The following NLK variants were observed in gnomAD, a reference collection of about 807,000 sequenced individuals.
NLK encodes nemo like kinase.
NLK carries 11 observed loss-of-function variants against 59.0 expected under a neutral mutation model. The observed-to-expected ratio is 0.19, with a 90% CI of 0.12 to 0.31. The LOEUF (loss-of-function observed/expected upper bound fraction) is 0.31. Ranked by LOEUF, NLK falls within the 10% of genes least tolerant of loss-of-function variation. NLK has a pLI of 1.00. For missense variants in NLK, 410 were observed against 661.1 expected (o/e 0.62, Z 4.16); for synonymous variants, 235 against 235.9 (o/e 1.00, Z 0.03).
intron 1 of NLK, chr17:28,048,686 C>T (rs1218749858): frequency 6.6e-6 from 1 of 152,182 alleles, no homozygotes; most frequent in Non-Finnish European, 1.5e-5. Context: ...GTTTCATTGT[C>T]TTCACAACTT....
At chr17:28,109,119 C>G (rs1159677801) in intron 1 of NLK, among the ~76,000 whole-genome samples, 1 of 150,746 alleles carries the variant, frequency 6.6e-6, no homozygotes, top group African/African-American at 2.4e-5. Flanking sequence ...TGCAGTGAGC[C>G]AAGATCGCAC....
At chr17:28,158,916 A>G (rs2142045727) in intron 3 of NLK, among the ~76,000 whole-genome samples, 1 of 152,320 alleles carries the variant, frequency 6.6e-6, no homozygotes, top group South Asian at 2.1e-4. Context: ...AGGCAATACA[A>G]TAGGAATTTT....
At chr17:28,133,913 T>C (rs1906624838) in intron 3 of NLK, among the ~76,000 whole-genome samples, 1 of 152,056 alleles carries the variant, frequency 6.6e-6, no homozygotes, top group South Asian at 2.1e-4. Flanking sequence ...AATTAAGAGC[T>C]TCCCAAGAGA....
At chr17:28,093,251 A>C (rs571982436) in intron 1 of NLK, among the ~76,000 whole-genome samples, 5 of 152,294 alleles carry the variant, frequency 3.3e-5, no homozygotes, top group East Asian at 1.9e-4. Context: ...TCATGACCAG[A>C]TGCTGGAAAA....
intron 1 of NLK, among the ~76,000 whole-genome samples, chr17:28,092,349 A>C (rs774576526): frequency 4.6e-5 from 7 of 152,216 alleles, no homozygotes; most frequent in Non-Finnish European, 1.0e-4. Flanking sequence ...ATTGAAATGT[A>C]ACAGCAGTTT....
intron 1 of NLK, chr17:28,048,777 T>C (rs1909148356): frequency 6.6e-6 from 1 of 152,242 alleles, no homozygotes; most frequent in African/African-American, 2.4e-5. Context: ...TTTATTGATG[T>C]CCAAGCAATA....
chr17:28,115,198 C>T (rs1905709080), intron 1 of NLK, among the ~76,000 whole-genome samples: 1 of 151,880 alleles, frequency 6.6e-6, no homozygotes, highest in South Asian at 2.1e-4. Context: ...AAACAAGAAA[C>T]AGACAGGAAG....
At chr17:28,111,930 TG>T (rs1291329438) in intron 1 of NLK, among the ~76,000 whole-genome samples, 1 of 148,998 alleles carries the variant, frequency 6.7e-6, no homozygotes, top group African/African-American at 2.5e-5. Flanking sequence ...TGTGTGTGTG[TG>T]TGTGTGTGTG....
At chr17:28,139,738 A>C (rs1035960834) in intron 3 of NLK, among the ~76,000 whole-genome samples, 1 of 152,234 alleles carries the variant, frequency 6.6e-6, no homozygotes, top group African/African-American at 2.4e-5. Flanking sequence ...TAACTTGTCC[A>C]ACGTCACTTA....
chr17:28,071,353 A>G lies in NLK; in HGVS notation c.458+28022A>G, dbSNP rs115622100. 6.3e-3 allele frequency among the ~76,000 whole-genome samples: 957 copies of G among 152,182 alleles called. 7 individuals carry two copies. The highest frequency in any genetic ancestry group is 0.023 in the African/African-American group (935 of 41,524). On this transcript the variant is annotated intron_variant, in intron 1 of 10. Transcript: ENST00000407008. ...AATCTGTTGGGATATTTATTGGAAG[A>G]TGTCAACTCTGTAGATCAAATAGAA... is the stretch of plus-strand genomic sequence containing the variant.
At chr17:28,097,870 G>C (rs997391515) in intron 1 of NLK, among the ~76,000 whole-genome samples, 1 of 152,120 alleles carries the variant, frequency 6.6e-6, no homozygotes, top group African/African-American at 2.4e-5. Context: ...TTACGTTACA[G>C]TGTGGGTTTA....
chr17:28,145,771 T>A (rs1038401743), intron 3 of NLK, among the ~76,000 whole-genome samples: 2 of 152,092 alleles, frequency 1.3e-5, no homozygotes, highest in Non-Finnish European at 2.9e-5. Context: ...AGTGGCATGA[T>A]CTCAGCTCAC....
intron 7 of NLK, 125 bp from the exon 8 acceptor site, chr17:28,185,054 T>C: frequency 2.4e-6 from 1 of 413,662 alleles, no homozygotes; most frequent in Non-Finnish European, 4.2e-6. Flanking sequence ...GAAAACTCAT[T>C]CTCCTTGAGT....
intron 8 of NLK, among the ~76,000 whole-genome samples, chr17:28,189,718 G>A (rs987322489): frequency 3.3e-5 from 5 of 152,108 alleles, no homozygotes; most frequent in African/African-American, 1.2e-4. Flanking sequence ...TCTAGGAATC[G>A]CTATCAAAGG....
At chr17:28,174,909 C>T (rs1353533886) in intron 7 of NLK, among the ~76,000 whole-genome samples, 1 of 151,794 alleles carries the variant, frequency 6.6e-6, no homozygotes, top group Non-Finnish European at 1.5e-5. Context: ...AAGGTATTGC[C>T]ATTCATGTTA....
chr17:28,153,099 C>T (rs2142040690), intron 3 of NLK, among the ~76,000 whole-genome samples: 1 of 151,850 alleles, frequency 6.6e-6, no homozygotes, highest in African/African-American at 2.4e-5. Context: ...CATGGAGAAA[C>T]CCTATCTCTA....
rs548295566 is a variant in NLK, at chr17:28,108,437, G to A, written c.459-14166G>A. Among the ~76,000 whole-genome samples, 98 of 152,172 alleles carry A rather than the reference G, an allele frequency of 6.4e-4. 1 individual carries two copies. In the South Asian group the frequency reaches 0.016, roughly 25 times the overall value. Reference sequence around the variant, plus strand: ...AAAACAAGGTACAGATATATGCAAGGAGGAAATTAAACTATCAGAATTCAA... The same window carrying A: ...AAAACAAGGTACAGATATATGCAAGAAGGAAATTAAACTATCAGAATTCAA... On this transcript the variant is annotated intron_variant, in intron 1 of 10. Transcript: ENST00000407008.
At chr17:28,124,611 T>A (rs1597695823) in intron 2 of NLK, among the ~76,000 whole-genome samples, 1 of 152,328 alleles carries the variant, frequency 6.6e-6, no homozygotes, top group East Asian at 1.9e-4. Flanking sequence ...TAATTTAGAA[T>A]AATGTCTAGT....
intron 3 of NLK, among the ~76,000 whole-genome samples, chr17:28,147,701 A>G (rs1318117425): frequency 6.6e-6 from 1 of 152,116 alleles, no homozygotes; most frequent in Non-Finnish European, 1.5e-5. Flanking sequence ...GTTCCCACCT[A>G]ATGTCCTTGA....
Sources: allele counts gnomAD v4.1 joint callset (sites outside exome capture counted in the v4.1 genomes callset), GRCh38; gene constraint gnomAD v4.1.1; transcripts MANE v1.5; gene names NCBI Gene and HGNC (gene_info 2026-07-23, HGNC 2026-07-21).